Variants in SLC6A5 observed in about 807,000 individuals in gnomAD.
SLC6A5 encodes the protein sodium- and chloride-dependent glycine transporter 2.
In SLC6A5, 58 loss-of-function variants were observed where a neutral mutation model predicts 90.5. That is an observed-to-expected ratio of 0.64 (90% confidence interval 0.52 to 0.80). The LOEUF (loss-of-function observed/expected upper bound fraction) is 0.80. Among genes scored for constraint, SLC6A5 ranks in the 30% least tolerant of loss-of-function variants. The pLI, the probability that SLC6A5 is intolerant of heterozygous loss-of-function variation, is 0.00. For missense variants in SLC6A5, 1,015 were observed against 1,017.6 expected, an observed-to-expected ratio of 1.00 and a Z score of 0.03; for synonymous variants, 427 against 401.4, an observed-to-expected ratio of 1.06 and a Z score of -0.76.
At chr11:20,639,706 G>A (rs1235950486) in intron 13 of SLC6A5, among the ~76,000 whole-genome samples, 1 of 152,110 alleles carries the variant, frequency 6.6e-6, no homozygotes, top group Non-Finnish European at 1.5e-5. Context: ...TAAAGGGGGT[G>A]GAGTGGGAAT....
intron 8 of SLC6A5, 32 bp downstream of exon 8, chr11:20,626,874 T>G: frequency 6.2e-7 from 1 of 1,601,026 alleles, no homozygotes; most frequent in Non-Finnish European, 8.6e-7. Flanking sequence ...TAACCAGCCC[T>G]GGGGGAGTGG....
intron 5 of SLC6A5, among the ~76,000 whole-genome samples, chr11:20,612,120 T>C (rs1852705486): frequency 6.6e-6 from 1 of 152,186 alleles, no homozygotes; most frequent in African/African-American, 2.4e-5. Flanking sequence ...TATTATTGTT[T>C]CCATTTTTAC....
intron 5 of SLC6A5, among the ~76,000 whole-genome samples, chr11:20,612,569 G>A (rs964503334): frequency 1.3e-5 from 2 of 152,216 alleles, no homozygotes; most frequent in Non-Finnish European, 2.9e-5. Context: ...CCGGGCTGGA[G>A]TGCAGTGGTG....
intron 13 of SLC6A5, among the ~76,000 whole-genome samples, chr11:20,641,280 G>A (rs530721069): frequency 6.6e-6 from 1 of 152,102 alleles, no homozygotes; most frequent in Non-Finnish European, 1.5e-5. Flanking sequence ...TCTTCATTGT[G>A]TATTTCCCCA....
At chr11:20,610,921 T>G (rs1177579129) in intron 5 of SLC6A5, among the ~76,000 whole-genome samples, 1 of 152,154 alleles carries the variant, frequency 6.6e-6, no homozygotes, top group African/African-American at 2.4e-5. Context: ...CAAGAATTAC[T>G]AAAGCTGTCC....
intron 12 of SLC6A5, among the ~76,000 whole-genome samples, chr11:20,637,568 T>G (rs545563041): frequency 1.5e-4 from 23 of 152,026 alleles, no homozygotes; most frequent in African/African-American, 5.1e-4. Flanking sequence ...TTTAAGAAAA[T>G]AGGTGCAGTG....
chr11:20,636,258 G>A (rs755222955), intron 10 of SLC6A5, 49 bp from the exon 11 acceptor site: 23 of 1,154,378 alleles, frequency 2.0e-5, no homozygotes, highest in Middle Eastern at 2.0e-4. Flanking sequence ...TCTGGGAAGA[G>A]CAGCCTTGAG....
chr11:20,617,047 C>T (rs1477938009), intron 6 of SLC6A5, among the ~76,000 whole-genome samples: 1 of 152,242 alleles, frequency 6.6e-6, no homozygotes, highest in Non-Finnish European at 1.5e-5. Context: ...CTCCTTTCCT[C>T]AGGGGTGGGG....
At chr11:20,616,607 C>G (rs1852787429) in intron 6 of SLC6A5, among the ~76,000 whole-genome samples, 1 of 152,182 alleles carries the variant, frequency 6.6e-6, no homozygotes, top group African/African-American at 2.4e-5. Flanking sequence ...GGGGAAGGTC[C>G]TTTTCCTTGC....
intron 5 of SLC6A5, 107 bp from the exon 6 acceptor site, chr11:20,614,572 A>G: frequency 9.6e-7 from 1 of 1,040,606 alleles, no homozygotes. Context: ...GTACTCTCCA[A>G]TATTTGCAAA....
In SLC6A5 at chr11:20,643,615, T is replaced by A. The variant is rs954364287; in HGVS notation, c.1970-3219T>A. 1.1e-4 allele frequency among the ~76,000 whole-genome samples: 16 copies of A among 152,308 alleles called. No individual in the cohort carries two copies. In the East Asian group the frequency reaches 2.9e-3, roughly 28 times the overall value. The stretch of plus-strand genomic sequence containing the variant: ...AGTGAGTCAGTAGAAGAACTGGGGA[T>A]CAACTCTTGGACCTTAACTCCCAGT... On this transcript the variant is annotated intron_variant, in intron 13 of 15. Transcript: ENST00000525748.
Position 20,615,464 on chromosome 11 carries a change from T to C in SLC6A5, c.1127+644T>C, listed in dbSNP as rs142669868. Reference sequence around the variant, plus strand: ...GCTCACTGAAACCTCTGCCTCTGGGTTCAAGTTATTCTCCTGCCTCAGCCT... The same window carrying C: ...GCTCACTGAAACCTCTGCCTCTGGGCTCAAGTTATTCTCCTGCCTCAGCCT... On this transcript the variant is annotated intron_variant, in intron 6 of 15. Transcript: ENST00000525748. 8.6e-4 allele frequency among the ~76,000 whole-genome samples: 131 copies of C among 152,128 alleles called. 1 individual carries two copies. In the Middle Eastern group the frequency reaches 0.014, roughly 16 times the overall value.
chr11:20,638,877 A>G (rs943352210), intron 13 of SLC6A5, among the ~76,000 whole-genome samples: 1 of 152,168 alleles, frequency 6.6e-6, no homozygotes, highest in African/African-American at 2.4e-5. Context: ...ATCAGAAAGG[A>G]GGAGGCTACT....
chr11:20,640,303 C>T lies in SLC6A5; in HGVS notation c.1969+1745C>T, dbSNP rs111483038. ...CCACAAAGGGCACGTTTGCACAGTT[C>T]TTCCCTATAAAACAGGGCTGTTCAG... On this transcript the variant is annotated intron_variant, in intron 13 of 15. Transcript: ENST00000525748. Among the ~76,000 whole-genome samples, 318 of 152,300 alleles carry T rather than the reference C, an allele frequency of 2.1e-3. 7 individuals carry two copies. Among genetic ancestry groups the T allele is most frequent in the South Asian group, 3.5e-3 (17 of 4,822 alleles).
rs1054029801 is a variant in SLC6A5, at chr11:20,601,056, T to C, written c.4-73T>C. ...TGTCTGGACCTGAGTTGCGAACGTC[T>C]CCATATCTAGATACAGGTATTTTAA... On this transcript the variant is annotated intron_variant, in intron 1 of 15. Coordinates refer to ENST00000525748, the MANE Select transcript of SLC6A5 (RefSeq NM_004211.5). 8 of 1,470,660 alleles carry C rather than the reference T, an allele frequency of 5.4e-6. No homozygotes were observed. The African/African-American group carries it at 7.1e-5, about 13-fold the overall frequency. 91.1% of individuals were successfully genotyped at this position (1,470,660 alleles called of 1,614,324 possible). A position where few individuals can be genotyped will look rare whatever the true frequency, so the allele number is the denominator to read the frequency against.
At chr11:20,619,966 C>T (rs1440902199) in intron 7 of SLC6A5, among the ~76,000 whole-genome samples, 3 of 152,184 alleles carry the variant, frequency 2.0e-5, no homozygotes, top group African/African-American at 4.8e-5. Context: ...CAATACCGAG[C>T]ATGGCCTGAG....
In SLC6A5 at chr11:20,656,145, G is replaced by T. The variant is rs1051186394; in HGVS notation, c.*1277G>T. Reference sequence around the variant, plus strand: ...AGCTGATCATATGTCTGCAGAAATTGGCAAAGTGTAAACTTTATTATCTTC... The same window carrying T: ...AGCTGATCATATGTCTGCAGAAATTTGCAAAGTGTAAACTTTATTATCTTC... On this transcript the variant is annotated 3_prime_UTR_variant, in exon 16 of 16. Transcript: ENST00000525748. 4.6e-5 allele frequency: 7 copies of T among 152,152 alleles called. No homozygotes were observed. The highest frequency in any genetic ancestry group is 4.6e-4 in the Admixed American group (7 of 15,276). The allele number at this position is 152,152 out of a possible 1,614,324, so 9.4% of individuals were successfully genotyped here.
intron 6 of SLC6A5, among the ~76,000 whole-genome samples, chr11:20,615,958 T>C (rs957855359): frequency 6.6e-6 from 1 of 152,200 alleles, no homozygotes; most frequent in African/African-American, 2.4e-5. Context: ...TATTTTACAA[T>C]AAAAGATGGA....
chr11:20,614,715 T>G lies in SLC6A5; in HGVS notation c.1022T>G (p.Ile341Ser). 1 of 1,614,046 alleles carries G rather than the reference T, an allele frequency of 6.2e-7. No individual in the cohort carries two copies. Among genetic ancestry groups the G allele is most frequent in the Non-Finnish European group, 8.5e-7 (1 of 1,179,878 alleles). ...CVISDHPKIQ[I>S]KNSTFCMTAY... ...ATCAGTGACCATCCCAAAATACAGATCAAGAACTCGACTTTCTGCATGACC... is the reference window on the plus strand; with the variant it reads ...ATCAGTGACCATCCCAAAATACAGAGCAAGAACTCGACTTTCTGCATGACC... The change falls in exon 6 of 16, where the codon ATC becomes AGC. Residue 341 changes from isoleucine (I) to serine (S), a missense_variant. Transcript: ENST00000525748.
Sources: gnomAD v4.1 joint callset for allele counts (sites outside exome capture counted in the v4.1 genomes callset) on GRCh38, gnomAD v4.1.1 for gene constraint, MANE v1.5 for transcripts, NCBI Gene and HGNC (gene_info 2026-07-23, HGNC 2026-07-21) for gene names.